The following LAMP2 variants were observed in gnomAD, a reference collection of about 807,000 sequenced individuals.
LAMP2 encodes the protein lysosome-associated membrane glycoprotein 2.
In LAMP2, 4 loss-of-function variants were observed where a neutral mutation model predicts 25.6. That is an observed-to-expected ratio of 0.16 (90% CI 0.08 to 0.36). The LOEUF (loss-of-function observed/expected upper bound fraction) is 0.36. Ranked by LOEUF, LAMP2 falls within the 10% of genes least tolerant of loss-of-function variation. LAMP2 has a pLI of 1.00. For synonymous variants in LAMP2, 108 were observed against 112.7 expected (o/e 0.96, Z 0.27); for missense variants, 272 against 301.4 (o/e 0.90, Z 0.72).
chrX:120,434,090 A>G (rs192535462), intron 8 of LAMP2, among the ~76,000 whole-genome samples: 106 of 111,865 alleles, frequency 9.5e-4, no homozygotes, highest in African/African-American at 3.2e-3. Flanking sequence ...CTCCCCTACA[A>G]TTTCCCAAAT....
At chrX:120,437,991 G>C (rs1274586109) in intron 8 of LAMP2, 1 of 219,239 alleles carries the variant, frequency 4.6e-6, no homozygotes, top group African/African-American at 3.1e-5. Flanking sequence ...GAGTAACTGG[G>C]ATTACAGGCG....
chrX:120,430,838 G>A lies in LAMP2; in HGVS notation c.*485C>T, dbSNP rs185972753. The A allele has an allele frequency of 4.9e-4, 373 of 755,936 alleles. 2 individuals carry two copies. In the African/African-American group the frequency reaches 6.5e-3, roughly 13 times the overall value. 62.3% of individuals were successfully genotyped at this position (755,936 alleles called of 1,213,427 possible). A position where few individuals can be genotyped will look rare whatever the true frequency, so the allele number is the denominator to read the frequency against. ...AAAACCAAGTTTAAGCATATCTGAT[G>A]GGCATTTATACCACATCAATATTTA... is the stretch of plus-strand genomic sequence containing the variant. On this transcript the variant is annotated 3_prime_UTR_variant, in exon 9 of 9. Coordinates refer to ENST00000200639, the MANE Select transcript of LAMP2 (RefSeq NM_002294.3).
chrX:120,431,103 C>T lies in LAMP2; in HGVS notation c.*220G>A. 1.9e-6 allele frequency: 2 copies of T among 1,025,816 alleles called. No individual in the cohort carries two copies. The highest frequency in any genetic ancestry group is 2.5e-6 in the Non-Finnish European group (2 of 802,342). The allele number at this position is 1,025,816 out of a possible 1,213,427, so 84.5% of individuals were successfully genotyped here. ...CATTGCACGTTGATGTTCTTTTGAA[C>T]AAGTTTGTCTCCAGGACCAGTAAAT... On this transcript the variant is annotated 3_prime_UTR_variant, in exon 9 of 9. Transcript: ENST00000200639.
At chrX:120,454,457 A>G (rs1470133742) in intron 3 of LAMP2, among the ~76,000 whole-genome samples, 1 of 110,536 alleles carries the variant, frequency 9.0e-6, no homozygotes, top group East Asian at 2.8e-4. Context: ...CACATTTAAA[A>G]TAGCTATTAG....
At chrX:120,451,553 C>G (rs965268978) in intron 3 of LAMP2, among the ~76,000 whole-genome samples, 1 of 111,464 alleles carries the variant, frequency 9.0e-6, no homozygotes, top group African/African-American at 3.3e-5. Context: ...CAACCTCCGC[C>G]TCCCAGGTTA....
At chrX:120,446,160 C>T (rs1336158878) in intron 6 of LAMP2, 145 bp downstream of exon 6, 1 of 558,243 alleles carries the variant, frequency 1.8e-6, no homozygotes, top group East Asian at 3.4e-5. Context: ...GAGGGATGAA[C>T]AGGGATGAAT....
At chrX:120,456,556 C>T in intron 2 of LAMP2, 95 bp downstream of exon 2, 1 of 447,671 alleles carries the variant, frequency 2.2e-6, no homozygotes, top group Non-Finnish European at 3.9e-6. Flanking sequence ...TTAAGTCAGT[C>T]AACGTGGAAT....
chrX:120,446,222 C>T lies in LAMP2; in HGVS notation c.864+83G>A, dbSNP rs768677322. 801 of 890,550 alleles carry T rather than the reference C, an allele frequency of 9.0e-4. 5 individuals are homozygous for T. The highest frequency in any genetic ancestry group is 9.8e-5 in the Non-Finnish European group (60 of 612,016). 73.4% of individuals were successfully genotyped at this position (890,550 alleles called of 1,213,427 possible). ...TAGAACTGGAAAATAAAGCTAAATA[C>T]CCCCCTCCCCCCATGCAACTATTTA... On this transcript the variant is annotated intron_variant, in intron 6 of 8. Coordinates refer to ENST00000200639, the MANE Select transcript of LAMP2 (RefSeq NM_002294.3).
rs760238519 is a variant in LAMP2 at position 120,442,675 on chromosome X, G to C, written c.865-13C>G. 3 of 1,171,788 alleles carry C rather than the reference G, an allele frequency of 2.6e-6. No individual in the cohort carries two copies. On this transcript the variant is annotated splice_polypyrimidine_tract_variant and intron_variant, in intron 6 of 8. Coordinates refer to ENST00000200639, the MANE Select transcript of LAMP2 (RefSeq NM_002294.3). ...GGTTTTCATTTTTCTGTTTGAAAAAGAGCTTCCAGTTAATTAACATTTCAC... is the reference window on the plus strand; with the variant it reads ...GGTTTTCATTTTTCTGTTTGAAAAACAGCTTCCAGTTAATTAACATTTCAC...
intron 3 of LAMP2, among the ~76,000 whole-genome samples, chrX:120,450,259 T>C (rs890908384): frequency 1.1e-4 from 12 of 111,921 alleles, no homozygotes; most frequent in Non-Finnish European, 3.8e-5. Flanking sequence ...CCCAAGTGGT[T>C]TGGCTTCTTT....
intron 8 of LAMP2, 145 bp downstream of exon 8, chrX:120,441,585 T>C: frequency 2.0e-6 from 1 of 492,675 alleles, no homozygotes; most frequent in Non-Finnish European, 3.4e-6. Context: ...AGCAAAATGA[T>C]GAGCCAAATA....
intron 8 of LAMP2, among the ~76,000 whole-genome samples, chrX:120,441,330 G>A (rs186748856): frequency 3.6e-5 from 4 of 111,769 alleles, no homozygotes; most frequent in African/African-American, 9.7e-5. Flanking sequence ...CTTTGCTACC[G>A]CTCTTTATCT....
At chrX:120,448,926 C>T in intron 4 of LAMP2, 44 bp downstream of exon 4, 1 of 1,136,228 alleles carries the variant, frequency 8.8e-7, no homozygotes, top group South Asian at 1.8e-5. Flanking sequence ...GTATACTCTA[C>T]TCTTAAATTA....
intron 3 of LAMP2, 54 bp downstream of exon 3, chrX:120,455,303 T>A (rs1346005113): frequency 1.4e-5 from 14 of 979,142 alleles, no homozygotes; most frequent in Non-Finnish European, 2.0e-5. Flanking sequence ...TGTTTACATT[T>A]TTATCATTAA....
At chrX:120,434,246 G>A (rs2058533643) in intron 8 of LAMP2, among the ~76,000 whole-genome samples, 2 of 111,519 alleles carry the variant, frequency 1.8e-5, no homozygotes, top group African/African-American at 6.5e-5. Flanking sequence ...TCCCAAATTG[G>A]GTATTTGACC....
At chrX:120,436,667 A>C (rs1232142094) in intron 8 of LAMP2, 6 of 732,894 alleles carry the variant, frequency 8.2e-6, no homozygotes, top group Non-Finnish European at 9.7e-6. Context: ...CATGAAAAAC[A>C]CCCAAAACCA....
rs752352307 is a variant in LAMP2 at position 120,429,681 on chromosome X, T to A, written c.*1642A>T. 1.3e-6 allele frequency: 1 copy of A among 751,531 alleles called. No homozygotes were observed. Among genetic ancestry groups the A allele is most frequent in the Non-Finnish European group, 1.6e-6 (1 of 638,682 alleles). The allele number at this position is 751,531 out of a possible 1,213,427, so 61.9% of individuals were successfully genotyped here. ...CCCAAAGTGCCCAATTCTGATCTCA[T>A]AATTTCAAGTGTAAACCAGCTGTTG... is the stretch of plus-strand genomic sequence containing the variant. On this transcript the variant is annotated 3_prime_UTR_variant, in exon 9 of 9. Coordinates refer to ENST00000200639, the MANE Select transcript of LAMP2 (RefSeq NM_002294.3).
At chrX:120,443,230 G>A (rs1405850056) in intron 6 of LAMP2, among the ~76,000 whole-genome samples, 1 of 111,780 alleles carries the variant, frequency 8.9e-6, no homozygotes, top group Non-Finnish European at 1.9e-5. Context: ...GAAAATAGGA[G>A]AGAAATCACT....
At chrX:120,468,073 A>G (rs1422919079) in intron 1 of LAMP2, among the ~76,000 whole-genome samples, 3 of 111,829 alleles carry the variant, frequency 2.7e-5, no homozygotes, top group Admixed American at 9.5e-5. Context: ...CCATCCAGCC[A>G]TTCTTAGGCC....
Sources: gnomAD v4.1 joint callset for allele counts (sites outside exome capture counted in the v4.1 genomes callset) on GRCh38, gnomAD v4.1.1 for gene constraint, MANE v1.5 for transcripts, NCBI Gene and HGNC (gene_info 2026-07-23, HGNC 2026-07-21) for gene names.